GEMIN8: variants seen among roughly 807,000 people sequenced by gnomAD.
GEMIN8 encodes gem-associated protein 8.
For synonymous variants in GEMIN8, 80 were observed against 78.5 expected (o/e 1.02, Z -0.10); for missense variants, 185 against 205.9 (o/e 0.90, Z 0.62).
Position 14,021,444 on chromosome X carries a change from T to TA in GEMIN8, c.15+19dup. ...TTTACTTACGAGCTCAAAAAAAAAA[T>TA]AAAAAAATAAAAATCTTACCTTTAC... On this transcript the variant is annotated intron_variant, in intron 3 of 4. Coordinates refer to ENST00000680255, the MANE Select transcript of GEMIN8 (RefSeq NM_001042479.2). The TA allele has an allele frequency of 2.0e-6, 2 of 978,729 alleles. No individual in the cohort carries two copies. The highest frequency in any genetic ancestry group is 2.0e-5 in the African/African-American group (1 of 51,248). 80.7% of individuals were successfully genotyped at this position (978,729 alleles called of 1,213,427 possible).
chrX:13,987,695 C>CA, the GEMIN8 span, among the ~76,000 whole-genome samples: 5 of 112,203 alleles, frequency 4.5e-5, no homozygotes, highest in Non-Finnish European at 5.6e-5. Context: ...CACCCTGGCA[C>CA]ACTCATGCAT....
At position 14,007,806 on chromosome X, in the gene GEMIN8, C is replaced by T. The variant is rs1053199152; in HGVS notation, c.*1107G>A. 9.0e-6 allele frequency among the ~76,000 whole-genome samples: 1 copy of T among 110,880 alleles called. No individual in the cohort carries two copies. Among genetic ancestry groups the T allele is most frequent in the Non-Finnish European group, 1.9e-5 (1 of 52,969 alleles). ...CCTCCCAAAGTGCTGGGATTACAGG[C>T]ATGAGCCACCGCGCCGGGCCGGAAT... On this transcript the variant is annotated 3_prime_UTR_variant, in exon 5 of 5. Transcript: ENST00000680255.
the GEMIN8 span, among the ~76,000 whole-genome samples, chrX:13,985,341 G>A: frequency 1.8e-5 from 2 of 111,757 alleles, no homozygotes; most frequent in African/African-American, 6.5e-5. Context: ...ATTTGGAGCT[G>A]GATTTAAAGC....
chrX:14,021,025 A>G lies in GEMIN8; in HGVS notation c.15+439T>C, dbSNP rs780196842. Among the ~76,000 whole-genome samples, 7 of 111,135 alleles carry G rather than the reference A, an allele frequency of 6.3e-5. No individual in the cohort carries two copies. The Admixed American group carries it at 6.7e-4, about 11-fold the overall frequency. Reference sequence around the variant, plus strand: ...GAGCCACCCCTAAATGCCTGGGGTAAGAGATGTCTAGGAATGCACCCAATA... The same window carrying G: ...GAGCCACCCCTAAATGCCTGGGGTAGGAGATGTCTAGGAATGCACCCAATA... On this transcript the variant is annotated intron_variant, in intron 3 of 4. Transcript: ENST00000680255.
At chrX:13,998,608 T>C in the GEMIN8 span, among the ~76,000 whole-genome samples, 1 of 111,365 alleles carries the variant, frequency 9.0e-6, no homozygotes. Context: ...GTCTCAGGTA[T>C]GTCCTTATAG....
downstream of GEMIN8, among the ~76,000 whole-genome samples, chrX:14,006,325 G>C (rs1286976119): frequency 3.6e-5 from 4 of 110,842 alleles, no homozygotes; most frequent in Non-Finnish European, 7.6e-5. Context: ...CACCGCTCCC[G>C]GCCTGAGCTA....
intron 4 of GEMIN8, among the ~76,000 whole-genome samples, chrX:14,012,600 C>T (rs1446917966): frequency 8.9e-6 from 1 of 111,820 alleles, no homozygotes; most frequent in Admixed American, 9.5e-5. Context: ...GGCACTGTCA[C>T]CTTTACTCAC....
At chrX:13,989,426 T>A in the GEMIN8 span, among the ~76,000 whole-genome samples, 1 of 112,104 alleles carries the variant, frequency 8.9e-6, no homozygotes, top group East Asian at 2.8e-4. Context: ...TGACTTGTAG[T>A]ATTATTAGTG....
At chrX:13,988,269 C>T in the GEMIN8 span, among the ~76,000 whole-genome samples, 1 of 111,454 alleles carries the variant, frequency 9.0e-6, no homozygotes, top group Non-Finnish European at 1.9e-5. Context: ...CAACCTCCCT[C>T]CCACAGGGAG....
At chrX:13,999,345 C>T in the GEMIN8 span, among the ~76,000 whole-genome samples, 6 of 100,241 alleles carry the variant, frequency 6.0e-5, no homozygotes, top group African/African-American at 1.9e-4. Flanking sequence ...GGTGTGATCT[C>T]GGCTAACTGC....
chrX:14,024,101 A>G (rs1269110947), intron 2 of GEMIN8, among the ~76,000 whole-genome samples: 1 of 112,581 alleles, frequency 8.9e-6, no homozygotes, highest in African/African-American at 3.2e-5. Context: ...TCCATTTTGC[A>G]AAGCTGGAAG....
intron 4 of GEMIN8, among the ~76,000 whole-genome samples, chrX:14,009,700 A>G (rs1350055169): frequency 8.9e-6 from 1 of 112,263 alleles, no homozygotes; most frequent in Non-Finnish European, 1.9e-5. Context: ...CCACCTGCCC[A>G]GCTAGGAATG....
the GEMIN8 span, among the ~76,000 whole-genome samples, chrX:13,990,093 C>G: frequency 8.9e-6 from 1 of 112,591 alleles, no homozygotes; most frequent in Non-Finnish European, 1.9e-5. Flanking sequence ...AAATTTTATT[C>G]ATTTTAATTA....
At chrX:13,989,800 T>C in the GEMIN8 span, among the ~76,000 whole-genome samples, 2 of 112,652 alleles carry the variant, frequency 1.8e-5, no homozygotes, top group African/African-American at 3.2e-5. Flanking sequence ...GTTTAGGTAA[T>C]AGATTTAGAG....
the GEMIN8 span, among the ~76,000 whole-genome samples, chrX:13,990,542 G>A: frequency 8.9e-6 from 1 of 112,393 alleles, no homozygotes; most frequent in Non-Finnish European, 1.9e-5. Flanking sequence ...GGCAGGGCTT[G>A]AGTGCATGGG....
At chrX:13,995,434 C>T in the GEMIN8 span, among the ~76,000 whole-genome samples, 1 of 111,927 alleles carries the variant, frequency 8.9e-6, no homozygotes, top group African/African-American at 3.2e-5. Context: ...TCATCACTAA[C>T]CAATCACACA....
In GEMIN8 at chrX:14,008,595, A is replaced by T. The variant is rs1923310338; in HGVS notation, c.*318T>A. On this transcript the variant is annotated 3_prime_UTR_variant, in exon 5 of 5. Transcript: ENST00000680255. ...GGTTAAAGACAAGAAAAGATAAAAA[A>T]GCAAAACACCAGGCAGTATCTCTAG... 3.9e-6 allele frequency: 1 copy of T among 257,766 alleles called. No homozygotes were observed. Among genetic ancestry groups the T allele is most frequent in the East Asian group, 7.3e-5 (1 of 13,772 alleles). The allele number at this position is 257,766 out of a possible 1,213,427, so 21.2% of individuals were successfully genotyped here. A position where few individuals can be genotyped will look rare whatever the true frequency, so the allele number is the denominator to read the frequency against.
intron 4 of GEMIN8, among the ~76,000 whole-genome samples, chrX:14,013,013 G>A (rs1179568386): frequency 1.8e-5 from 2 of 112,679 alleles, no homozygotes; most frequent in Non-Finnish European, 3.7e-5. Flanking sequence ...GACAGGCTGT[G>A]CACTGATGGT....
chrX:14,008,767 A>G lies in GEMIN8; in HGVS notation c.*146T>C. ...TCCAAGTGGCTGGCATAGTACATCC[A>G]CCCCGTGACAGGCCCACTGGGACTG... On this transcript the variant is annotated 3_prime_UTR_variant, in exon 5 of 5. Coordinates refer to ENST00000680255, the MANE Select transcript of GEMIN8 (RefSeq NM_001042479.2). 2 of 554,157 alleles carry G rather than the reference A, an allele frequency of 3.6e-6. No homozygotes were observed. 45.7% of individuals were successfully genotyped at this position (554,157 alleles called of 1,213,427 possible).
Sources: allele counts gnomAD v4.1 joint callset (sites outside exome capture counted in the v4.1 genomes callset), GRCh38; gene constraint gnomAD v4.1.1; transcripts MANE v1.5; gene names NCBI Gene and HGNC (gene_info 2026-07-23, HGNC 2026-07-21).